The following ALK variants were observed in gnomAD, a reference collection of about 807,000 sequenced individuals.
ALK encodes ALK receptor tyrosine kinase.
In ALK, 74 loss-of-function variants were observed where a neutral mutation model predicts 163.1. That is an observed-to-expected ratio of 0.45 (90% CI 0.38 to 0.55). ALK has a LOEUF of 0.55. Among genes scored for constraint, ALK ranks in the 20% least tolerant of loss-of-function variants. ALK has a pLI of 0.00. For synonymous variants in ALK, 960 were observed against 843.2 expected, an observed-to-expected ratio of 1.14 and a Z score of -2.40; for missense variants, 2,063 against 2,105.3, an observed-to-expected ratio of 0.98 and a Z score of 0.39.
chr2:29,201,401 A>G (rs141694559), intron 26 of ALK, among the ~76,000 whole-genome samples: 30 of 152,232 alleles, frequency 2.0e-4, no homozygotes, highest in African/African-American at 7.2e-4. Flanking sequence ...CATTTGTTCA[A>G]GCCCAAAACC....
intron 1 of ALK, among the ~76,000 whole-genome samples, chr2:29,880,138 GC>G (rs1256552449): frequency 2.6e-5 from 4 of 152,180 alleles, no homozygotes; most frequent in Admixed American, 2.6e-4. Flanking sequence ...AGAGATGTCT[GC>G]CTCATTAATG....
At chr2:29,692,248 A>G (rs892476700) in intron 3 of ALK, among the ~76,000 whole-genome samples, 15 of 152,246 alleles carry the variant, frequency 9.9e-5, no homozygotes, top group Admixed American at 1.3e-4. Flanking sequence ...AGCCATGGGG[A>G]GGAATACCAA....
At position 29,228,872 on chromosome 2, in the gene ALK, A is replaced by T; in HGVS notation, c.2815+12T>A. On this transcript the variant is annotated intron_variant, in intron 16 of 28. Transcript: ENST00000389048. ...GGGAGGGAGTGACACCTTGAACACG[A>T]ATCATCTTTACCTATATATCCTCCG... 1 of 1,561,334 alleles carries T rather than the reference A, an allele frequency of 6.4e-7. No individual in the cohort carries two copies. The highest frequency in any genetic ancestry group is 1.1e-5 in the South Asian group (1 of 90,038).
intron 3 of ALK, among the ~76,000 whole-genome samples, chr2:29,577,895 C>T (rs1342581644): frequency 6.6e-6 from 1 of 152,190 alleles, no homozygotes; most frequent in African/African-American, 2.4e-5. Flanking sequence ...ATCCTCGAAG[C>T]CAGACTGTTT....
intron 13 of ALK, among the ~76,000 whole-genome samples, chr2:29,235,746 G>A (rs148028763): frequency 0.076 from 11,542 of 151,682 alleles, 552 homozygotes; most frequent in Non-Finnish European, 0.11. Flanking sequence ...AGGCTGGAGT[G>A]CAGTGGCATG....
At chr2:29,551,112 C>A (rs562721223) in intron 3 of ALK, among the ~76,000 whole-genome samples, 8 of 152,098 alleles carry the variant, frequency 5.3e-5, no homozygotes, top group Non-Finnish European at 1.0e-4. Flanking sequence ...GTTTAAAAAC[C>A]TTAAACTGTG....
At chr2:29,385,860 G>A (rs1245521208) in intron 4 of ALK, among the ~76,000 whole-genome samples, 1 of 151,940 alleles carries the variant, frequency 6.6e-6, no homozygotes, top group Non-Finnish European at 1.5e-5. Flanking sequence ...ATTTTTTCTT[G>A]ATCATGATTA....
intron 1 of ALK, among the ~76,000 whole-genome samples, chr2:29,896,245 A>T (rs1425261882): frequency 6.6e-6 from 1 of 152,146 alleles, no homozygotes; most frequent in Non-Finnish European, 1.5e-5. Flanking sequence ...TACGAAGAAC[A>T]TTTGCCAAGA....
chr2:29,717,660 A>AGAAGGG lies in ALK; in HGVS notation c.704_705insCCCTTC (p.Ser237_Pro238dup), dbSNP rs2148307359. 6 of 1,614,062 alleles carry AGAAGGG rather than the reference A, an allele frequency of 3.7e-6. No individual in the cohort carries two copies. Among genetic ancestry groups the AGAAGGG allele is most frequent in the Non-Finnish European group, 5.1e-6 (6 of 1,179,902 alleles). On this transcript the variant is annotated inframe_insertion, in exon 2 of 29. Coordinates refer to ENST00000389048, the MANE Select transcript of ALK (RefSeq NM_004304.5). ...TCCATGTAAAATAATCAGGAGAAGGAGAAGGCATGTTTGTTGGTGATTCCA... is the reference window on the plus strand; with the variant it reads ...TCCATGTAAAATAATCAGGAGAAGGAGAAGGGGAAGGCATGTTTGTTGGTGATTCCA...
chr2:29,526,062 A>C (rs951023770), intron 4 of ALK, among the ~76,000 whole-genome samples: 15 of 152,214 alleles, frequency 9.9e-5, no homozygotes, highest in African/African-American at 3.6e-4. Flanking sequence ...GGAGGGGTTT[A>C]AGTGAAATCT....
chr2:29,277,443 G>A (rs984849860), intron 9 of ALK, among the ~76,000 whole-genome samples: 3 of 152,216 alleles, frequency 2.0e-5, no homozygotes, highest in Admixed American at 1.3e-4. Flanking sequence ...GATCGATTAT[G>A]CTTAACTGAA....
chr2:29,587,871 C>T (rs1050982828), intron 3 of ALK, among the ~76,000 whole-genome samples: 2 of 152,108 alleles, frequency 1.3e-5, no homozygotes, highest in Admixed American at 1.3e-4. Context: ...ACAGTGAAGG[C>T]CTGGTTCAGG....
At chr2:29,271,574 T>TA (rs1353790956) in intron 11 of ALK, among the ~76,000 whole-genome samples, 2 of 152,174 alleles carry the variant, frequency 1.3e-5, no homozygotes, top group Non-Finnish European at 2.9e-5. Flanking sequence ...CTTGATTTTT[T>TA]AAAAAATTGC....
intron 4 of ALK, among the ~76,000 whole-genome samples, chr2:29,432,382 G>A (rs551877110): frequency 3.3e-5 from 5 of 151,930 alleles, no homozygotes; most frequent in South Asian, 2.1e-4. Context: ...AGGCTCCCCC[G>A]CCCCTTCTGC....
intron 1 of ALK, among the ~76,000 whole-genome samples, chr2:29,765,429 T>G (rs1340569983): frequency 5.3e-5 from 8 of 152,202 alleles, no homozygotes; most frequent in African/African-American, 1.4e-4. Flanking sequence ...CTCCCATCCC[T>G]CATCATGATG....
chr2:29,657,462 T>C (rs955783543), intron 3 of ALK, among the ~76,000 whole-genome samples: 4 of 152,106 alleles, frequency 2.6e-5, no homozygotes, highest in African/African-American at 9.7e-5. Context: ...TAAAGCACCG[T>C]GCAATATGAA....
At chr2:29,687,389 CT>C (rs1678269810) in intron 3 of ALK, among the ~76,000 whole-genome samples, 2 of 152,030 alleles carry the variant, frequency 1.3e-5, no homozygotes, top group African/African-American at 4.8e-5. Flanking sequence ...GCTTGTCTGT[CT>C]GCTTGCCTAC....
intron 3 of ALK, among the ~76,000 whole-genome samples, chr2:29,563,464 A>G (rs1253823081): frequency 6.6e-6 from 1 of 152,192 alleles, no homozygotes; most frequent in East Asian, 1.9e-4. Context: ...GCCCTTCCAC[A>G]GTGACCTTGC....
At chr2:29,194,655 C>A (rs1353183817) in intron 28 of ALK, among the ~76,000 whole-genome samples, 2 of 101,646 alleles carry the variant, frequency 2.0e-5, no homozygotes, top group South Asian at 4.4e-4. Flanking sequence ...ATGCACCCCA[C>A]CCCCCCACCC....
Sources: allele counts gnomAD v4.1 joint callset (sites outside exome capture counted in the v4.1 genomes callset), GRCh38; gene constraint gnomAD v4.1.1; transcripts MANE v1.5; gene names NCBI Gene and HGNC (gene_info 2026-07-23, HGNC 2026-07-21).